The following CACNA1E variants were observed in gnomAD, a reference collection of about 807,000 sequenced individuals.
The protein encoded by CACNA1E is voltage-dependent R-type calcium channel subunit alpha-1E.
Under a neutral mutation model 259.2 loss-of-function variants are expected in CACNA1E, and 40 were observed. The ratio of observed to expected loss-of-function variants is 0.15; its 90% CI spans 0.12 to 0.20. CACNA1E has a LOEUF of 0.20. Ranked by LOEUF, CACNA1E falls within the 10% of genes least tolerant of loss-of-function variation. The pLI is 1.00. For missense variants in CACNA1E, 1,874 were observed against 3,040.1 expected (o/e 0.62, Z 9.02); for synonymous variants, 1,104 against 1,138.5 (o/e 0.97, Z 0.61).
intron 47 of CACNA1E, 43 bp downstream of exon 47, chr1:181,796,901 GA>G: frequency 7.0e-7 from 1 of 1,432,742 alleles, no homozygotes; most frequent in Non-Finnish European, 9.4e-7. Flanking sequence ...AAGGACAGGG[GA>G]GGGTGGGCTG....
At chr1:181,672,556 A>G (rs567927839) in intron 7 of CACNA1E, among the ~76,000 whole-genome samples, 1 of 152,320 alleles carries the variant, frequency 6.6e-6, no homozygotes, top group South Asian at 2.1e-4. Context: ...GGAAGAAAGG[A>G]CCTAAAGTGG....
intron 1 of CACNA1E, among the ~76,000 whole-genome samples, chr1:181,404,162 AT>A (rs915911441): frequency 3.9e-5 from 6 of 152,256 alleles, no homozygotes; most frequent in Admixed American, 1.3e-4. Context: ...GCTGGAGCCC[AT>A]CCCCCAAACT....
At chr1:181,321,531 A>C (rs576962246) in intron 1 of CACNA1E, among the ~76,000 whole-genome samples, 3 of 151,926 alleles carry the variant, frequency 2.0e-5, no homozygotes, top group Non-Finnish European at 4.4e-5. Context: ...AGGCCTTCTC[A>C]CTCCTTGGCT....
chr1:181,423,379 C>T (rs1658906910), intron 2 of CACNA1E, among the ~76,000 whole-genome samples: 2 of 152,292 alleles, frequency 1.3e-5, no homozygotes, highest in East Asian at 3.9e-4. Flanking sequence ...GCTTCATTTA[C>T]AGGTGAGGAA....
chr1:181,550,977 G>A (rs915023395), intron 3 of CACNA1E, among the ~76,000 whole-genome samples: 8 of 151,852 alleles, frequency 5.3e-5, no homozygotes, highest in African/African-American at 9.7e-5. Context: ...CTGTATCAGC[G>A]CCAAACACTG....
At chr1:181,623,789 C>G (rs1488099653) in intron 6 of CACNA1E, among the ~76,000 whole-genome samples, 1 of 152,178 alleles carries the variant, frequency 6.6e-6, no homozygotes, top group East Asian at 1.9e-4. Flanking sequence ...TTCAGAAAGT[C>G]TTAATCTTTA....
At chr1:181,594,659 A>G (rs1254212036) in intron 6 of CACNA1E, among the ~76,000 whole-genome samples, 1 of 152,176 alleles carries the variant, frequency 6.6e-6, no homozygotes, top group African/African-American at 2.4e-5. Flanking sequence ...TGGCCTCCCA[A>G]AGTGCTGGGA....
intron 25 of CACNA1E, among the ~76,000 whole-genome samples, chr1:181,747,001 G>A (rs1657147158): frequency 6.6e-6 from 1 of 152,194 alleles, no homozygotes; most frequent in African/African-American, 2.4e-5. Flanking sequence ...CTGCTATAGT[G>A]CCAAGGACTT....
Position 181,806,465 on chromosome 1 carries a change from A to T in CACNA1E, c.*7631A>T, listed in dbSNP as rs1287156765. The T allele has an allele frequency of 6.6e-6, 1 of 152,286 alleles. No homozygotes were observed. The highest frequency in any genetic ancestry group is 2.4e-5 in the African/African-American group (1 of 41,460). 9.4% of individuals were successfully genotyped at this position (152,286 alleles called of 1,614,324 possible). ...GGGTGCTCTGCCTCAGGCTGTTAAA[A>T]TGCTGCTACCTGCATTCTAAAACGT... On this transcript the variant is annotated 3_prime_UTR_variant, in exon 48 of 48. Transcript: ENST00000367573.
intron 3 of CACNA1E, among the ~76,000 whole-genome samples, chr1:181,545,562 C>T (rs943533492): frequency 1.1e-4 from 16 of 152,092 alleles, no homozygotes; most frequent in African/African-American, 3.9e-4. Flanking sequence ...CTTGACTACT[C>T]CTGGCTCCAC....
intron 21 of CACNA1E, among the ~76,000 whole-genome samples, chr1:181,735,107 C>T (rs1471423279): frequency 6.6e-6 from 1 of 152,212 alleles, no homozygotes; most frequent in Non-Finnish European, 1.5e-5. Flanking sequence ...TCCGCATCTT[C>T]TCTATAGTCA....
intron 1 of CACNA1E, among the ~76,000 whole-genome samples, chr1:181,352,512 A>G (rs1210957451): frequency 6.6e-6 from 1 of 152,218 alleles, no homozygotes; most frequent in Non-Finnish European, 1.5e-5. Flanking sequence ...TCTCCTACCT[A>G]GACAGTCTTT....
chr1:181,673,215 TATGA>T lies in CACNA1E; in HGVS notation c.1055+21775_1055+21778del, dbSNP rs1648986447. Among the ~76,000 whole-genome samples, 3 of 73,898 alleles carry T rather than the reference TATGA, an allele frequency of 4.1e-5. No homozygotes were observed. In the Admixed American group the frequency reaches 4.2e-4, roughly 10 times the overall value. 48.5% of individuals were successfully genotyped at this position (73,898 alleles called of 152,430 possible). On this transcript the variant is annotated intron_variant, in intron 7 of 47. Coordinates refer to ENST00000367573, the MANE Select transcript of CACNA1E (RefSeq NM_001205293.3). ...ATCTGTATGTTTATGTATGTATGTA[TATGA>T]GTATGTGTGTGTGTGTGTGTGTGTA...
At chr1:181,376,356 G>A (rs1655098365) in intron 1 of CACNA1E, among the ~76,000 whole-genome samples, 1 of 152,242 alleles carries the variant, frequency 6.6e-6, no homozygotes, top group Middle Eastern at 3.2e-3. Context: ...AGGCAAGAAA[G>A]AAGGAAGGAG....
chr1:181,571,670 A>C (rs919092427), intron 3 of CACNA1E, among the ~76,000 whole-genome samples: 2 of 152,244 alleles, frequency 1.3e-5, no homozygotes, highest in African/African-American at 4.8e-5. Context: ...CTGGTTAAAC[A>C]TCTAACATCC....
At chr1:181,661,992 C>T (rs184998074) in intron 7 of CACNA1E, among the ~76,000 whole-genome samples, 30 of 152,282 alleles carry the variant, frequency 2.0e-4, no homozygotes, top group African/African-American at 5.5e-4. Context: ...TCCTCCATGA[C>T]GGCCATGGCA....
At chr1:181,789,027 C>T (rs1661075884) in intron 43 of CACNA1E, among the ~76,000 whole-genome samples, 1 of 59,486 alleles carries the variant, frequency 1.7e-5, no homozygotes, top group Admixed American at 1.6e-4. Flanking sequence ...GCTATCACTG[C>T]TGGCTAATTT....
At chr1:181,462,169 C>A (rs1165390838) in intron 2 of CACNA1E, among the ~76,000 whole-genome samples, 1 of 152,136 alleles carries the variant, frequency 6.6e-6, no homozygotes, top group Non-Finnish European at 1.5e-5. Flanking sequence ...ACTTACAATA[C>A]AAAAAGATTG....
chr1:181,771,653 A>G lies in CACNA1E; in HGVS notation c.4973+269A>G, dbSNP rs188185792. On this transcript the variant is annotated intron_variant, in intron 36 of 47. Coordinates refer to ENST00000367573, the MANE Select transcript of CACNA1E (RefSeq NM_001205293.3). The stretch of plus-strand genomic sequence containing the variant: ...TGGGTCTGCTAAATACTTGGGTGGG[A>G]GAAAATTTCATCAATGTCTTTGGCT... 1.3e-5 allele frequency: 6 copies of G among 478,436 alleles called. No individual in the cohort carries two copies. The East Asian group carries it at 2.0e-4, about 16-fold the overall frequency. 29.6% of individuals were successfully genotyped at this position (478,436 alleles called of 1,614,324 possible).
Sources: gnomAD v4.1 joint callset for allele counts (sites outside exome capture counted in the v4.1 genomes callset) on GRCh38, gnomAD v4.1.1 for gene constraint, MANE v1.5 for transcripts, NCBI Gene and HGNC (gene_info 2026-07-23, HGNC 2026-07-21) for gene names.